TMEM175: variants seen among roughly 807,000 people sequenced by gnomAD.
TMEM175 encodes the protein transmembrane protein 175.
A neutral mutation model predicts 36.5 loss-of-function variants in TMEM175; 36 were observed. That is an observed-to-expected ratio of 0.99 (90% CI 0.76 to 1.30). The LOEUF (loss-of-function observed/expected upper bound fraction) is 1.30, where lower values mean the gene tolerates loss of function less well. TMEM175 is among the 50% of genes most tolerant of loss of function. TMEM175 has a pLI of 0.00. For synonymous variants in TMEM175, 339 were observed against 313.4 expected, an observed-to-expected ratio of 1.08 and a Z score of -0.86; for missense variants, 705 against 692.8, an observed-to-expected ratio of 1.02 and a Z score of -0.20.
chr4:957,333 C>T (rs1167795179), intron 10 of TMEM175, among the ~76,000 whole-genome samples: 2 of 152,232 alleles, frequency 1.3e-5, no homozygotes, highest in Non-Finnish European at 2.9e-5. Context: ...AGGGGGTTCC[C>T]ACAGCCTCCC....
At chr4:949,728 C>A (rs1358494112) in intron 3 of TMEM175, among the ~76,000 whole-genome samples, 1 of 147,912 alleles carries the variant, frequency 6.8e-6, no homozygotes, top group East Asian at 2.0e-4. Flanking sequence ...AGGGCGAGGG[C>A]CCCGGTGCCT....
At chr4:953,496 C>G in intron 8 of TMEM175, 142 bp downstream of exon 8, 1 of 1,048,980 alleles carries the variant, frequency 9.5e-7, no homozygotes. Context: ...GTGTGAGGCC[C>G]AGGGCTGCAG....
intron 8 of TMEM175, 64 bp from the exon 9 acceptor site, chr4:955,341 T>C (rs1383048218): frequency 1.4e-5 from 18 of 1,317,704 alleles, no homozygotes; most frequent in Non-Finnish European, 1.9e-5. Flanking sequence ...CACAGCTTTG[T>C]GTGGGTAAGG....
chr4:953,616 A>C (rs1177724995), intron 8 of TMEM175, among the ~76,000 whole-genome samples: 1 of 152,252 alleles, frequency 6.6e-6, no homozygotes, highest in Non-Finnish European at 1.5e-5. Context: ...TGTCCTTCTC[A>C]GAGAAGCTTC....
chr4:954,673 C>CA (rs1729393241), intron 8 of TMEM175, among the ~76,000 whole-genome samples: 1 of 152,178 alleles, frequency 6.6e-6, no homozygotes, highest in Non-Finnish European at 1.5e-5. Flanking sequence ...GTTTCTGGGT[C>CA]ATTTGGTGAT....
rs1711563264 is a variant in TMEM175 at position 958,488 on chromosome 4, C to G, written c.1507C>G (p.Pro503Ala). Residue 503 changes from proline to alanine, a missense_variant, in exon 11 of 11, where the codon CCC becomes GCC. Coordinates refer to ENST00000264771, the MANE Select transcript of TMEM175 (RefSeq NM_032326.4). ...DDPQSQLLPA[P>A]C ...CCCACAGTCCCAGCTCCTCCCTGCC[C>G]CCTGCTAGCAGCCACAGAGCCCACT... 6.5e-7 allele frequency: 1 copy of G among 1,530,964 alleles called. No homozygotes were observed. The highest frequency in any genetic ancestry group is 8.8e-7 in the Non-Finnish European group (1 of 1,142,612). The allele number at this position is 1,530,964 out of a possible 1,614,324, so 94.8% of individuals were successfully genotyped here.
At chr4:939,009 T>G (rs1727120757) in intron 1 of TMEM175, among the ~76,000 whole-genome samples, 1 of 152,188 alleles carries the variant, frequency 6.6e-6, no homozygotes, top group Admixed American at 6.6e-5. Context: ...TAATCAAAAC[T>G]GTGGTGGCTG....
chr4:956,280 C>G, intron 10 of TMEM175: 3 of 1,280,998 alleles, frequency 2.3e-6, no homozygotes, highest in Non-Finnish European at 3.0e-6. Flanking sequence ...CTCCCATTCC[C>G]TCCGGCTCCC....
At chr4:935,197 A>G (rs1207030052) in intron 1 of TMEM175, among the ~76,000 whole-genome samples, 1 of 152,200 alleles carries the variant, frequency 6.6e-6, no homozygotes, top group Non-Finnish European at 1.5e-5. Flanking sequence ...GAGTCAGACT[A>G]CTTATCTTAC....
intron 10 of TMEM175, among the ~76,000 whole-genome samples, chr4:957,181 C>T (rs956992113): frequency 6.6e-6 from 1 of 152,222 alleles, no homozygotes. Flanking sequence ...ACCCCTCACC[C>T]CTCGCCCTCT....
intron 1 of TMEM175, among the ~76,000 whole-genome samples, chr4:943,245 A>T (rs964893607): frequency 6.6e-6 from 1 of 152,120 alleles, no homozygotes; most frequent in African/African-American, 2.4e-5. Context: ...TGAATTATTG[A>T]TTTTTATTAT....
chr4:947,336 G>A (rs1728310649), intron 1 of TMEM175, among the ~76,000 whole-genome samples: 1 of 152,152 alleles, frequency 6.6e-6, no homozygotes, highest in Admixed American at 6.5e-5. Flanking sequence ...ACAGCCCCAG[G>A]CACGCATGCA....
Position 932,510 on chromosome 4 carries a change from CG to C in TMEM175, c.-60del. 4.3e-6 allele frequency: 2 copies of C among 462,016 alleles called. No homozygotes were observed. Among genetic ancestry groups the C allele is most frequent in the Non-Finnish European group, 7.5e-6 (2 of 266,574 alleles). 28.6% of individuals were successfully genotyped at this position (462,016 alleles called of 1,614,324 possible). On this transcript the variant is annotated 5_prime_UTR_variant, in exon 1 of 11. Transcript: ENST00000264771. The surrounding 1 kb of genome is among the most constrained non-coding windows in gnomAD (Gnocchi z 4.0). ...CCGGGCTGACTCAAGCGGAGGCGCG[CG>C]GAACAGTCGCCGAGGCGATTCCCGC...
chr4:957,436 G>C (rs1283006702), intron 10 of TMEM175, among the ~76,000 whole-genome samples: 5 of 152,206 alleles, frequency 3.3e-5, no homozygotes, highest in Admixed American at 6.5e-5. Flanking sequence ...TGTTGTGTGG[G>C]TGGCTCCGAG....
At chr4:953,029 C>T (rs1315959551) in intron 7 of TMEM175, among the ~76,000 whole-genome samples, 161 bp from the exon 8 acceptor site, 2 of 151,836 alleles carry the variant, frequency 1.3e-5, no homozygotes, top group Admixed American at 6.6e-5. Flanking sequence ...CAGGTCCTCC[C>T]CCACCCCAAG....
At chr4:933,928 T>G (rs1726467512) in intron 1 of TMEM175, among the ~76,000 whole-genome samples, 1 of 152,260 alleles carries the variant, frequency 6.6e-6, no homozygotes, top group African/African-American at 2.4e-5. Flanking sequence ...GTTTAGGCAC[T>G]GATTTATTGC....
At chr4:955,537 G>C (rs1017401295) in intron 9 of TMEM175, 54 bp downstream of exon 9, 1 of 1,562,818 alleles carries the variant, frequency 6.4e-7, no homozygotes, top group Non-Finnish European at 8.8e-7. Context: ...GCCCACCTCC[G>C]TGCGGCTGCT....
chr4:939,926 AATATGCTGTTGAAAATAGCCC>A (rs1727233710), intron 1 of TMEM175, among the ~76,000 whole-genome samples: 1 of 152,240 alleles, frequency 6.6e-6, no homozygotes, highest in Non-Finnish European at 1.5e-5. Context: ...AGAACTTTAT[AATATGCTGTTGAAAATAGCCC>A]ATATGAACAA....
At chr4:948,621 C>CG in intron 3 of TMEM175, 1 of 1,277,812 alleles carries the variant, frequency 7.8e-7, no homozygotes, top group Admixed American at 2.4e-5. Context: ...TGGAGGTGAG[C>CG]GGGAAAGGGT....
Sources: gnomAD v4.1 joint callset for allele counts (sites outside exome capture counted in the v4.1 genomes callset) on GRCh38, gnomAD v4.1.1 for gene constraint, Gnocchi (gnomAD v3.1) non-coding constraint, MANE v1.5 for transcripts, NCBI Gene and HGNC (gene_info 2026-07-23, HGNC 2026-07-21) for gene names.